The following MMS22L variants were observed in gnomAD, a reference collection of about 807,000 sequenced individuals.
MMS22L encodes the protein MMS22 like, DNA repair protein.
Under a neutral mutation model 159.1 loss-of-function variants are expected in MMS22L, and 74 were observed. The ratio of observed to expected loss-of-function variants is 0.47; its 90% CI spans 0.39 to 0.56. The LOEUF is 0.56. Among genes scored for constraint, MMS22L ranks in the 20% least tolerant of loss-of-function variants. MMS22L has a pLI of 0.00. For synonymous variants in MMS22L, 517 were observed against 506.9 expected, an observed-to-expected ratio of 1.02 and a Z score of -0.27; for missense variants, 1,351 against 1,422.1, an observed-to-expected ratio of 0.95 and a Z score of 0.80.
At chr6:97,244,023 C>G (rs1437149893) in intron 11 of MMS22L, among the ~76,000 whole-genome samples, 1 of 152,122 alleles carries the variant, frequency 6.6e-6, no homozygotes, top group Non-Finnish European at 1.5e-5. Flanking sequence ...TTGTTTAGTA[C>G]ATTGGTTTTC....
At chr6:97,178,343 A>G (rs986502406) in intron 18 of MMS22L, 100 bp downstream of exon 18, 7 of 910,210 alleles carry the variant, frequency 7.7e-6, no homozygotes, top group Non-Finnish European at 1.1e-5. Context: ...GATTCAATTT[A>G]TAAGAATTCA....
intron 16 of MMS22L, among the ~76,000 whole-genome samples, chr6:97,180,675 A>G (rs559868057): frequency 6.6e-6 from 1 of 152,212 alleles, no homozygotes; most frequent in African/African-American, 2.4e-5. Context: ...TACGCTAACA[A>G]TATCATTTTT....
intron 14 of MMS22L, among the ~76,000 whole-genome samples, chr6:97,197,221 A>T (rs1293510727): frequency 6.6e-6 from 1 of 152,216 alleles, no homozygotes; most frequent in Non-Finnish European, 1.5e-5. Context: ...GTAGGTTAGT[A>T]ATTTCTAAAA....
intron 12 of MMS22L, among the ~76,000 whole-genome samples, chr6:97,233,414 C>T (rs1170749585): frequency 6.6e-6 from 1 of 152,082 alleles, no homozygotes; most frequent in Non-Finnish European, 1.5e-5. Context: ...AATACAGATA[C>T]CGGGTTAGAT....
At chr6:97,241,823 A>G (rs1307502912) in intron 11 of MMS22L, among the ~76,000 whole-genome samples, 1 of 152,200 alleles carries the variant, frequency 6.6e-6, no homozygotes, top group Non-Finnish European at 1.5e-5. Context: ...TATTCAGTTC[A>G]AAGGATTTTT....
chr6:97,258,336 T>C (rs1008209873), intron 9 of MMS22L, among the ~76,000 whole-genome samples: 1 of 152,194 alleles, frequency 6.6e-6, no homozygotes, highest in Non-Finnish European at 1.5e-5. Context: ...TTCAGGCTCA[T>C]GTTTACTTTC....
In MMS22L at chr6:97,154,775, G is replaced by A. The variant is rs1801660510; in HGVS notation, c.3386-2908C>T. Among the ~76,000 whole-genome samples the A allele has an allele frequency of 2.0e-5, 3 of 152,096 alleles. No homozygotes were observed. In the South Asian group the frequency reaches 6.2e-4, roughly 31 times the overall value. On this transcript the variant is annotated intron_variant, in intron 22 of 24. Coordinates refer to ENST00000683635, the MANE Select transcript of MMS22L (RefSeq NM_001350599.2). ...AAACCCCAGTTGACCATAAACATGG[G>A]TTTATCTCTGAACGCTTAATTCTAT... is the stretch of plus-strand genomic sequence containing the variant.
At position 97,186,529 on chromosome 6, in the gene MMS22L, A is replaced by G. The variant is rs1805248990; in HGVS notation, c.2201T>C (p.Val734Ala). 1.9e-6 allele frequency: 3 copies of G among 1,612,868 alleles called. No homozygotes were observed. Among genetic ancestry groups the G allele is most frequent in the African/African-American group, 2.7e-5 (2 of 74,900 alleles). ...TGCATCCGCAAGTTGTGAGAAAGGC[A>G]CTACCTGTGACATTCTCTGACTCTT... ...FLKSQRMSQV[V>A]PFSQLADAAA... is the part of the protein sequence containing the mutation. The change falls in exon 15 of 25, where the codon GTG (valine) becomes GCG (alanine). Residue 734 changes from valine (V) to alanine (A), a missense_variant. By Grantham distance (64) the Val-to-Ala change is moderately conservative (BLOSUM62 0). Coordinates refer to ENST00000683635, the MANE Select transcript of MMS22L (RefSeq NM_001350599.2).
At chr6:97,221,558 T>C (rs950329803) in intron 14 of MMS22L, among the ~76,000 whole-genome samples, 1 of 147,250 alleles carries the variant, frequency 6.8e-6, no homozygotes, top group Non-Finnish European at 1.5e-5. Context: ...AGCTGAAAGA[T>C]ATAAAAAATA....
intron 19 of MMS22L, among the ~76,000 whole-genome samples, chr6:97,169,482 A>G (rs1399140857): frequency 6.6e-6 from 1 of 152,160 alleles, no homozygotes; most frequent in Non-Finnish European, 1.5e-5. Context: ...ATTTCCATCA[A>G]ATAAAGAGTT....
At chr6:97,159,948 G>GTGT (rs1554256192) in intron 22 of MMS22L, among the ~76,000 whole-genome samples, 2 of 97,180 alleles carry the variant, frequency 2.1e-5, no homozygotes, top group Admixed American at 1.4e-4. Context: ...TATCATTTCT[G>GTGT]TTTTTTTTTT....
At chr6:97,239,634 T>C (rs979517717) in intron 11 of MMS22L, among the ~76,000 whole-genome samples, 1 of 152,186 alleles carries the variant, frequency 6.6e-6, no homozygotes, top group African/African-American at 2.4e-5. Context: ...GTGGTCAGGC[T>C]GGGTGCGGTG....
At chr6:97,188,156 C>A (rs1450785212) in intron 14 of MMS22L, among the ~76,000 whole-genome samples, 1 of 152,202 alleles carries the variant, frequency 6.6e-6, no homozygotes, top group African/African-American at 2.4e-5. Flanking sequence ...TGGCAACTAA[C>A]TCAACTGCCT....
chr6:97,221,886 T>G (rs1431626565), intron 14 of MMS22L, among the ~76,000 whole-genome samples: 3 of 152,086 alleles, frequency 2.0e-5, no homozygotes, highest in African/African-American at 7.2e-5. Flanking sequence ...GATTAAAAAT[T>G]CTATCCAGTT....
chr6:97,188,465 T>C (rs947991312), intron 14 of MMS22L, among the ~76,000 whole-genome samples: 4 of 152,202 alleles, frequency 2.6e-5, no homozygotes, highest in Non-Finnish European at 5.9e-5. Context: ...CTCTATGAGA[T>C]AGGTATCATT....
intron 14 of MMS22L, among the ~76,000 whole-genome samples, chr6:97,222,469 C>A (rs1226502121): frequency 6.6e-6 from 1 of 152,038 alleles, no homozygotes; most frequent in African/African-American, 2.4e-5. Context: ...TAGGCAAGTT[C>A]TCAACTGCCT....
intron 14 of MMS22L, among the ~76,000 whole-genome samples, chr6:97,200,225 G>A (rs1197812239): frequency 1.3e-5 from 2 of 152,046 alleles, no homozygotes; most frequent in East Asian, 3.8e-4. Context: ...ATCATATTTA[G>A]CAGTAAATAA....
intron 14 of MMS22L, among the ~76,000 whole-genome samples, chr6:97,187,883 AG>A (rs1437856487): frequency 1.3e-5 from 2 of 152,196 alleles, no homozygotes; most frequent in East Asian, 3.8e-4. Context: ...GTATAACATT[AG>A]GGCCTTGAGC....
In MMS22L at chr6:97,272,885, A is replaced by G; in HGVS notation, c.429-4T>C. 1 of 1,609,336 alleles carries G rather than the reference A, an allele frequency of 6.2e-7. No individual in the cohort carries two copies. The highest frequency in any genetic ancestry group is 8.5e-7 in the Non-Finnish European group (1 of 1,178,804). On this transcript the variant is annotated splice_region_variant and splice_polypyrimidine_tract_variant and intron_variant, in intron 5 of 24. Coordinates refer to ENST00000683635, the MANE Select transcript of MMS22L (RefSeq NM_001350599.2). ...AGCATTCTGTACTTTCAGATACCTA[A>G]AAAATAATTAGATAAAATAAACAAC...
Sources: gnomAD v4.1 joint callset for allele counts (sites outside exome capture counted in the v4.1 genomes callset) on GRCh38, gnomAD v4.1.1 for gene constraint, MANE v1.5 for transcripts, NCBI Gene and HGNC (gene_info 2026-07-23, HGNC 2026-07-21) for gene names.